RBPJ: variants seen among roughly 807,000 people sequenced by gnomAD.
RBPJ encodes the protein recombining binding protein suppressor of hairless.
Under a neutral mutation model 67.8 loss-of-function variants are expected in RBPJ, and 9 were observed. The observed-to-expected ratio is 0.13, with a 90% CI of 0.08 to 0.23. RBPJ has a LOEUF of 0.23. Among genes scored for constraint, RBPJ ranks in the 10% least tolerant of loss-of-function variants. RBPJ has a pLI of 1.00. For missense variants in RBPJ, 305 were observed against 595.6 expected (o/e 0.51, Z 5.08); for synonymous variants, 198 against 203.3 (o/e 0.97, Z 0.22).
At chr4:26,140,268 G>T in the RBPJ span, among the ~76,000 whole-genome samples, 3 of 152,186 alleles carry the variant, frequency 2.0e-5, no homozygotes, top group African/African-American at 7.2e-5. Context: ...GACAGCCCAG[G>T]CTGTGGCACA....
chr4:26,362,899 C>T (rs1226522129), intron 1 of RBPJ, among the ~76,000 whole-genome samples: 1 of 152,094 alleles, frequency 6.6e-6, no homozygotes, highest in Admixed American at 6.5e-5. Context: ...GCTGTAATTT[C>T]ATTCACCAAA....
chr4:26,382,952 T>C (rs536512501), intron 1 of RBPJ, among the ~76,000 whole-genome samples: 1 of 152,370 alleles, frequency 6.6e-6, no homozygotes, highest in East Asian at 1.9e-4. Context: ...TTTAATGAGA[T>C]AAATAGGAAT....
chr4:26,358,663 G>A lies in RBPJ; in HGVS notation c.21-27690G>A, dbSNP rs539603482. Among the ~76,000 whole-genome samples, 16 of 149,240 alleles carry A rather than the reference G, an allele frequency of 1.1e-4. No individual in the cohort carries two copies. The East Asian group carries it at 3.2e-3, about 29-fold the overall frequency. ...GTGGGGTACGTGGTGCATGCCTATA[G>A]TTCCAGCTACTCAGGAGGCTGAGGC... is the stretch of plus-strand genomic sequence containing the variant. On this transcript the variant is annotated intron_variant, in intron 1 of 10. Coordinates refer to ENST00000355476, the MANE Select transcript of RBPJ (RefSeq NM_015874.6).
intron 1 of RBPJ, among the ~76,000 whole-genome samples, chr4:26,253,286 A>G (rs1368287125): frequency 6.6e-6 from 1 of 151,532 alleles, no homozygotes; most frequent in Non-Finnish European, 1.5e-5. Context: ...GCATTTTATC[A>G]GATATCTTAA....
chr4:26,312,434 A>G lies in RBPJ; in HGVS notation c.-166-50012A>G, dbSNP rs537296842. ...GTGTGAGCCACCATGCCCGGCCACC[A>G]GGGCCTTCTTATGACCCTGCTTAGA... is the stretch of plus-strand genomic sequence containing the variant. On this transcript the variant is annotated intron_variant, in intron 1 of 4. Coordinates refer to the RBPJ transcript ENST00000512351. 2.3e-3 allele frequency among the ~76,000 whole-genome samples: 345 copies of G among 152,262 alleles called. 2 individuals carry two copies. Among genetic ancestry groups the G allele is most frequent in the Middle Eastern group, 0.01 (3 of 294 alleles).
At chr4:26,192,010 A>ATTTT (rs35579283) in intron 1 of RBPJ, among the ~76,000 whole-genome samples, 1 of 142,644 alleles carries the variant, frequency 7.0e-6, no homozygotes, top group Non-Finnish European at 1.5e-5. Context: ...ATTCTTTAAA[A>ATTTT]TTTTTTTTTT....
chr4:26,249,806 T>TTTTTA (rs1720045306), intron 1 of RBPJ, among the ~76,000 whole-genome samples: 1 of 149,506 alleles, frequency 6.7e-6, no homozygotes, highest in African/African-American at 2.5e-5. Context: ...TTTTTTTTTT[T>TTTTTA]GAGATGGAGT....
chr4:26,222,789 G>A (rs1185453911), intron 1 of RBPJ, among the ~76,000 whole-genome samples: 2 of 151,962 alleles, frequency 1.3e-5, no homozygotes, highest in Non-Finnish European at 2.9e-5. Flanking sequence ...GAAAGGAGGA[G>A]CATTTGTAAG....
chr4:26,122,390 C>A, the RBPJ span, among the ~76,000 whole-genome samples: 2 of 152,172 alleles, frequency 1.3e-5, no homozygotes, highest in African/African-American at 4.8e-5. Context: ...AGTATTTCTG[C>A]ACAAACTGGT....
chr4:26,332,049 T>A (rs1393584796), intron 1 of RBPJ, among the ~76,000 whole-genome samples: 1 of 152,250 alleles, frequency 6.6e-6, no homozygotes, highest in Non-Finnish European at 1.5e-5. Flanking sequence ...AAGTCTGTTG[T>A]ATCTGTCATC....
chr4:26,172,051 G>T (rs1356382445), intron 1 of RBPJ, among the ~76,000 whole-genome samples: 1 of 152,220 alleles, frequency 6.6e-6, no homozygotes, highest in East Asian at 1.9e-4. Flanking sequence ...AAGGCCGGAG[G>T]GCAGCGAAGG....
intron 1 of RBPJ, among the ~76,000 whole-genome samples, chr4:26,174,028 G>A (rs1716707408): frequency 6.6e-6 from 1 of 152,206 alleles, no homozygotes; most frequent in Admixed American, 6.5e-5. Flanking sequence ...TGCAAGCAAT[G>A]CGTTAGAAGT....
intron 1 of RBPJ, among the ~76,000 whole-genome samples, chr4:26,205,901 T>A (rs933178892): frequency 1.3e-5 from 2 of 151,950 alleles, no homozygotes; most frequent in African/African-American, 2.4e-5. Context: ...CCTAAAAAAA[T>A]TTTTTAAGAA....
chr4:26,430,204 AAAAAC>A lies in RBPJ; in HGVS notation c.1044+156_1044+160del, dbSNP rs1736077086. The A allele has an allele frequency of 9.7e-7, 1 of 1,027,036 alleles. No individual in the cohort carries two copies. The highest frequency in any genetic ancestry group is 1.4e-6 in the Non-Finnish European group (1 of 695,408). The allele number at this position is 1,027,036 out of a possible 1,614,324, so 63.6% of individuals were successfully genotyped here. A position where few individuals can be genotyped will look rare whatever the true frequency, so the allele number is the denominator to read the frequency against. On this transcript the variant is annotated intron_variant, in intron 9 of 10. Coordinates refer to ENST00000355476, the MANE Select transcript of RBPJ (RefSeq NM_015874.6). The surrounding 1 kb of genome is among the most constrained non-coding windows in gnomAD (Gnocchi z 4.1). Reference sequence around the variant, plus strand: ...ACACCATTTGTTGATTTAAAGAAAAAAAAACAAAATTAGGAGGAGCGTACTTGCCA... The same window carrying A: ...ACACCATTTGTTGATTTAAAGAAAAAAAAATTAGGAGGAGCGTACTTGCCA...
chr4:26,218,059 C>A (rs1278368182), intron 1 of RBPJ, among the ~76,000 whole-genome samples: 1 of 152,166 alleles, frequency 6.6e-6, no homozygotes, highest in Non-Finnish European at 1.5e-5. Flanking sequence ...TTCCACGAGC[C>A]CCGCACAGGG....
chr4:26,140,801 GC>G, the RBPJ span, among the ~76,000 whole-genome samples: 1 of 149,322 alleles, frequency 6.7e-6, no homozygotes, highest in South Asian at 2.1e-4. Flanking sequence ...AGAAGTGGAT[GC>G]CCGAGCCCAA....
At chr4:26,385,144 C>A (rs1269628657) in intron 1 of RBPJ, among the ~76,000 whole-genome samples, 1 of 150,092 alleles carries the variant, frequency 6.7e-6, no homozygotes, top group African/African-American at 2.5e-5. Flanking sequence ...CCTCAGCCTC[C>A]CAAGTAGCTG....
chr4:26,136,189 T>C, the RBPJ span, among the ~76,000 whole-genome samples: 592 of 152,282 alleles, frequency 3.9e-3, 4 homozygotes, highest in African/African-American at 0.014. Flanking sequence ...CACATAGGGA[T>C]TATTACAATT....
At chr4:26,113,000 C>T in the RBPJ span, 2 of 154,666 alleles carry the variant, frequency 1.3e-5, no homozygotes, top group Non-Finnish European at 2.9e-5. Context: ...GTGATCCACC[C>T]ACCTGGCCTC....
Sources: gnomAD v4.1 joint callset for allele counts (sites outside exome capture counted in the v4.1 genomes callset) on GRCh38, gnomAD v4.1.1 for gene constraint, Gnocchi (gnomAD v3.1) non-coding constraint, MANE v1.5 for transcripts, NCBI Gene and HGNC (gene_info 2026-07-23, HGNC 2026-07-21) for gene names.